POLA2: variants seen among roughly 807,000 people sequenced by gnomAD.
The protein encoded by POLA2 is DNA polymerase alpha subunit B.
A neutral mutation model predicts 82.8 loss-of-function variants in POLA2; 47 were observed. The observed-to-expected ratio is 0.57, with a 90% CI of 0.45 to 0.72. The LOEUF (loss-of-function observed/expected upper bound fraction) is 0.72. Ranked by LOEUF, POLA2 falls within the 30% of genes least tolerant of loss-of-function variation. The probability of loss-of-function intolerance (pLI) is 0.00; values close to 1 mark genes in which losing one functional copy is unlikely to be tolerated. For synonymous variants in POLA2, 287 were observed against 286.8 expected (o/e 1.00, Z -0.01); for missense variants, 634 against 728.1 (o/e 0.87, Z 1.49).
Position 65,297,325 on chromosome 11 carries a change from G to A in POLA2, c.*56G>A. Reference sequence around the variant, plus strand: ...TGGGCCCTTAAAGTCTTAGCCAAGAGCCAAGACATAGCCCTGTGACAAGGT... The same window carrying A: ...TGGGCCCTTAAAGTCTTAGCCAAGAACCAAGACATAGCCCTGTGACAAGGT... On this transcript the variant is annotated 3_prime_UTR_variant, in exon 18 of 18. Transcript: ENST00000265465. 6.6e-7 allele frequency: 1 copy of A among 1,512,562 alleles called. No homozygotes were observed. The highest frequency in any genetic ancestry group is 8.8e-7 in the Non-Finnish European group (1 of 1,132,382). 93.7% of individuals were successfully genotyped at this position (1,512,562 alleles called of 1,614,324 possible).
intron 8 of POLA2, 96 bp downstream of exon 8, chr11:65,281,243 C>T: frequency 1.5e-6 from 2 of 1,305,792 alleles, no homozygotes; most frequent in Non-Finnish European, 2.2e-6. Flanking sequence ...GTTCCTGTCT[C>T]TGCTGCCATG....
Position 65,297,413 on chromosome 11 carries a change from C to G in POLA2, c.*144C>G. On this transcript the variant is annotated 3_prime_UTR_variant, in exon 18 of 18. Transcript: ENST00000265465. ...GGAGGGGCAGCTGCAGTGACCAGGC[C>G]CAGCAGGGAGGACTTGTGCAGCCGG... is the stretch of plus-strand genomic sequence containing the variant. 1 of 946,002 alleles carries G rather than the reference C, an allele frequency of 1.1e-6. No homozygotes were observed. Among genetic ancestry groups the G allele is most frequent in the Non-Finnish European group, 1.5e-6 (1 of 676,284 alleles). The allele number at this position is 946,002 out of a possible 1,614,324, so 58.6% of individuals were successfully genotyped here. A position where few individuals can be genotyped will look rare whatever the true frequency, so the allele number is the denominator to read the frequency against.
At position 65,297,247 on chromosome 11, in the gene POLA2, C is replaced by T. The variant is rs779973068; in HGVS notation, c.1775C>T (p.Ala592Val). Residue 592 changes from alanine to valine, a missense_variant, in exon 18 of 18, where the codon GCT (alanine) becomes GTT (valine). By Grantham distance (64) the Ala-to-Val change is moderately conservative (BLOSUM62 0). Coordinates refer to ENST00000265465, the MANE Select transcript of POLA2 (RefSeq NM_002689.4). ...GCAGAGAGGCAGAGCCCATGCATTG[C>T]TGTGCAGGTCGTCAGGATCTGAGGC... The part of the protein sequence containing the change: ...DGAERQSPCI[A>V]VQVVRI The T allele has an allele frequency of 1.2e-6, 2 of 1,610,294 alleles. No homozygotes were observed. Among genetic ancestry groups the T allele is most frequent in the East Asian group, 2.2e-5 (1 of 44,836 alleles).
chr11:65,262,167 T>G lies in POLA2; in HGVS notation c.-126T>G. On this transcript the variant is annotated 5_prime_UTR_variant, in exon 1 of 18. Coordinates refer to ENST00000265465, the MANE Select transcript of POLA2 (RefSeq NM_002689.4). Reference sequence around the variant, plus strand: ...GGTCTTGCTTGGGCCAGTCACCTCCTGTCACGGTCCGCGGAGGGGGGAAGG... The same window carrying G: ...GGTCTTGCTTGGGCCAGTCACCTCCGGTCACGGTCCGCGGAGGGGGGAAGG... The G allele has an allele frequency of 1.4e-6, 1 of 712,220 alleles. No homozygotes were observed. Among genetic ancestry groups the G allele is most frequent in the Non-Finnish European group, 2.5e-6 (1 of 404,808 alleles). The allele number at this position is 712,220 out of a possible 1,614,324, so 44.1% of individuals were successfully genotyped here. A position where few individuals can be genotyped will look rare whatever the true frequency, so the allele number is the denominator to read the frequency against.
chr11:65,272,688 G>C (rs778257849), intron 4 of POLA2, among the ~76,000 whole-genome samples: 15 of 152,142 alleles, frequency 9.9e-5, no homozygotes, highest in African/African-American at 1.4e-4. Flanking sequence ...ATGAAAATAT[G>C]GTACCATTGG....
chr11:65,297,147 C>A lies in POLA2; in HGVS notation c.1675C>A (p.Pro559Thr). ...TGTCCTCGGCTGTGTCTGTGTGAAC[C>A]CTGGGCGCCTTACCAAAGGGCAGGT... is the stretch of plus-strand genomic sequence containing the variant. ...KDVLGCVCVN[P>T]GRLTKGQVGG... Residue 559 changes from proline to threonine, a missense_variant, in exon 18 of 18, where the codon CCT becomes ACT. Physicochemically the swap from Pro to Thr is conservative, Grantham distance 38. Transcript: ENST00000265465. The A allele has an allele frequency of 6.2e-7, 1 of 1,614,098 alleles. No homozygotes were observed. Among genetic ancestry groups the A allele is most frequent in the Non-Finnish European group, 8.5e-7 (1 of 1,180,024 alleles).
rs781033799 is a variant in POLA2, at chr11:65,266,613, T to A, written c.111T>A (p.Asn37Lys). The A allele has an allele frequency of 1.1e-5, 17 of 1,613,944 alleles. No individual in the cohort carries two copies. In the South Asian group the frequency reaches 1.6e-4, roughly 16 times the overall value. ...LVELCVQYGQ[N>K]EEGMVGELIA... ...AGCTTTGTGTTCAGTATGGACAGAA[T>A]GAGGAGGGAATGGTAGGCGAGCTTA... The change falls in exon 2 of 18, where the codon AAT (asparagine) becomes AAA (lysine). Residue 37 changes from asparagine (N) to lysine (K), a missense_variant. By Grantham distance (94) the Asn-to-Lys change is moderately conservative (BLOSUM62 0). Transcript: ENST00000265465.
intron 11 of POLA2, among the ~76,000 whole-genome samples, chr11:65,288,141 A>G (rs1003084428): frequency 6.6e-6 from 1 of 151,996 alleles, no homozygotes; most frequent in African/African-American, 2.4e-5. Flanking sequence ...CCCCATCTCT[A>G]CTAAAAATAC....
At chr11:65,279,206 C>T (rs1408058052) in intron 6 of POLA2, among the ~76,000 whole-genome samples, 3 of 152,168 alleles carry the variant, frequency 2.0e-5, no homozygotes, top group Non-Finnish European at 4.4e-5. Flanking sequence ...ATGGTTCCTT[C>T]GTTAGAAGCC....
chr11:65,291,862 T>C (rs1241529240), intron 13 of POLA2, among the ~76,000 whole-genome samples: 1 of 152,202 alleles, frequency 6.6e-6, no homozygotes, highest in Non-Finnish European at 1.5e-5. Context: ...AGAAACAGTA[T>C]ATAAACAGTT....
chr11:65,300,971 TC>T (rs1949856468), downstream of POLA2, among the ~76,000 whole-genome samples: 1 of 152,236 alleles, frequency 6.6e-6, no homozygotes, highest in Non-Finnish European at 1.5e-5. Context: ...ATGGCTAAGA[TC>T]CCACTGTATG....
chr11:65,287,246 G>A (rs938762561), intron 10 of POLA2, among the ~76,000 whole-genome samples: 1 of 152,018 alleles, frequency 6.6e-6, no homozygotes, highest in Non-Finnish European at 1.5e-5. Context: ...GGAGTCTCCC[G>A]TTCCAGTCTC....
In POLA2 at chr11:65,266,671, C is replaced by T. The variant is rs1380808300; in HGVS notation, c.169C>T (p.Leu57Phe). The T allele has an allele frequency of 3.1e-6, 5 of 1,614,130 alleles. No homozygotes were observed. The highest frequency in any genetic ancestry group is 4.2e-6 in the Non-Finnish European group (5 of 1,179,996). ...AFCTSTHKVG[L>F]TSEILNSFEH... Reference sequence around the variant, plus strand: ...CTGCACCAGCACACATAAAGTTGGCCTTACCTCAGAGATCCTGAACTCTTT... The same window carrying T: ...CTGCACCAGCACACATAAAGTTGGCTTTACCTCAGAGATCCTGAACTCTTT... Residue 57 changes from leucine to phenylalanine, a missense_variant, in exon 2 of 18, where the codon CTT (leucine) becomes TTT (phenylalanine). By Grantham distance (22) the Leu-to-Phe change is conservative. Coordinates refer to ENST00000265465, the MANE Select transcript of POLA2 (RefSeq NM_002689.4).
Position 65,284,127 on chromosome 11 carries a change from C to CCAGA in POLA2, c.1006+1606_1006+1607insCAGA, listed in dbSNP as rs1555021561. 2.1e-3 allele frequency among the ~76,000 whole-genome samples: 307 copies of CCAGA among 143,180 alleles called. 1 individual carries two copies. Among genetic ancestry groups the CCAGA allele is most frequent in the Admixed American group, 3.8e-3 (54 of 14,036 alleles). The allele number at this position is 143,180 out of a possible 152,430, so 93.9% of individuals were successfully genotyped here. ...TCAGCATGGGTGAAAGAGTAAGACA[C>CCAGA]TAGATAGATAGATAGATAGATAGAT... On this transcript the variant is annotated intron_variant, in intron 10 of 17. Coordinates refer to ENST00000265465, the MANE Select transcript of POLA2 (RefSeq NM_002689.4).
At chr11:65,303,413 T>C (rs1490001958), downstream of POLA2, among the ~76,000 whole-genome samples, 1 of 151,488 alleles carries the variant, frequency 6.6e-6, no homozygotes, top group African/African-American at 2.4e-5. Context: ...TCCCAGCAAT[T>C]TGGGAGGCTG....
At chr11:65,271,019 A>G (rs978692825) in intron 4 of POLA2, among the ~76,000 whole-genome samples, 1 of 152,030 alleles carries the variant, frequency 6.6e-6, no homozygotes, top group African/African-American at 2.4e-5. Context: ...TTCATTTCCT[A>G]TGTCTCCTTG....
chr11:65,292,155 G>A (rs1590909008), intron 13 of POLA2, among the ~76,000 whole-genome samples: 1 of 152,174 alleles, frequency 6.6e-6, no homozygotes, highest in East Asian at 1.9e-4. Context: ...AGAATTGCTT[G>A]AACCCAGGAG....
chr11:65,280,957 AC>A, intron 7 of POLA2, 34 bp from the exon 8 acceptor site: 1 of 1,602,720 alleles, frequency 6.2e-7, no homozygotes, highest in East Asian at 2.2e-5. Context: ...TGCTCCAAAG[AC>A]TGTCATTCTT....
intron 11 of POLA2, among the ~76,000 whole-genome samples, chr11:65,288,512 G>GTTTTTTT (rs572913995): frequency 9.2e-5 from 11 of 119,954 alleles, no homozygotes; most frequent in African/African-American, 1.3e-4. Flanking sequence ...TTTGTTTTTT[G>GTTTTTTT]TTTTTTTTTT....
Sources: allele counts gnomAD v4.1 joint callset (sites outside exome capture counted in the v4.1 genomes callset), GRCh38; gene constraint gnomAD v4.1.1; transcripts MANE v1.5; gene names NCBI Gene and HGNC (gene_info 2026-07-23, HGNC 2026-07-21).